Variants in RGR observed in about 807,000 individuals in gnomAD.
RGR encodes the protein retinal G protein coupled receptor, also known as RPE-retinal G protein-coupled receptor.
RGR carries 30 observed loss-of-function variants against 28.6 expected under a neutral mutation model. The observed-to-expected ratio is 1.05, with a 90% CI of 0.78 to 1.42. The LOEUF (loss-of-function observed/expected upper bound fraction) is 1.42, where lower values mean the gene tolerates loss of function less well. Ranked by LOEUF, RGR falls within the 40% of genes most tolerant of loss-of-function variation. The pLI, the probability that RGR is intolerant of heterozygous loss-of-function variation, is 0.00. For missense variants in RGR, 404 were observed against 375.6 expected, an observed-to-expected ratio of 1.08 and a Z score of -0.62; for synonymous variants, 180 against 156.4, an observed-to-expected ratio of 1.15 and a Z score of -1.13.
chr10:84,258,770 C>G lies in RGR; in HGVS notation c.*131C>G. On this transcript the variant is annotated 3_prime_UTR_variant, in exon 7 of 7. Coordinates refer to ENST00000652092, the MANE Select transcript of RGR (RefSeq NM_001012720.2). ...CCGTGGATCCTGGTCCTAGGCTGGA[C>G]ACAGGATTCAGAAAGACACCAGGCT... 3.0e-6 allele frequency: 4 copies of G among 1,344,984 alleles called. No homozygotes were observed. The highest frequency in any genetic ancestry group is 4.1e-6 in the Non-Finnish European group (4 of 968,730). The allele number at this position is 1,344,984 out of a possible 1,614,324, so 83.3% of individuals were successfully genotyped here.
Position 84,245,119 on chromosome 10 carries a change from GC to G in RGR, c.30del (p.Phe11SerfsTer26), listed in dbSNP as rs775919072. The G allele has an allele frequency of 8.7e-6, 14 of 1,613,426 alleles. No homozygotes were observed. Among genetic ancestry groups the G allele is most frequent in the Non-Finnish European group, 1.0e-5 (12 of 1,179,912 alleles). On this transcript the variant is annotated frameshift_variant, in exon 1 of 7. Coordinates refer to ENST00000652092, the MANE Select transcript of RGR (RefSeq NM_001012720.2). LOFTEE classifies it high-confidence loss of function. MAETSALPTGFGELEVLAVG... is the reference protein window; with the variant it reads MAETSALPTXFGELEVLAVG... ...GCAGAGACCAGTGCCCTGCCCACTG[GC>G]TTCGGGGAGCTCGAGGTGCTGGCTG...
chr10:84,253,693 G>T (rs1271864325), intron 4 of RGR, among the ~76,000 whole-genome samples: 1 of 152,202 alleles, frequency 6.6e-6, no homozygotes, highest in African/African-American at 2.4e-5. Context: ...CTGGATGACA[G>T]GCTTTCCAGG....
chr10:84,254,281 C>A, intron 4 of RGR, 45 bp from the exon 5 acceptor site: 1 of 1,544,756 alleles, frequency 6.5e-7, no homozygotes, highest in Non-Finnish European at 9.0e-7. Flanking sequence ...GGCAGCTGGC[C>A]ATCCCTGAGA....
chr10:84,258,858 GC>G lies in RGR; in HGVS notation c.*221del. The G allele has an allele frequency of 3.3e-6, 2 of 611,944 alleles. No individual in the cohort carries two copies. Among genetic ancestry groups the G allele is most frequent in the South Asian group, 3.8e-5 (2 of 52,900 alleles). The allele number at this position is 611,944 out of a possible 1,614,324, so 37.9% of individuals were successfully genotyped here. Reference sequence around the variant, plus strand: ...AGCCCCCTACACTCAAGGCTGAGAGGCCTCAGGAAAGTCATTCCTTTTTAAA... The same window carrying G: ...AGCCCCCTACACTCAAGGCTGAGAGGCTCAGGAAAGTCATTCCTTTTTAAA... On this transcript the variant is annotated 3_prime_UTR_variant, in exon 7 of 7. Coordinates refer to ENST00000652092, the MANE Select transcript of RGR (RefSeq NM_001012720.2).
chr10:84,246,431 C>A (rs1276870213), intron 1 of RGR, among the ~76,000 whole-genome samples: 1 of 152,100 alleles, frequency 6.6e-6, no homozygotes, highest in African/African-American at 2.4e-5. Context: ...CCTCTGAATG[C>A]CTTTGCGTAC....
intron 6 of RGR, 75 bp downstream of exon 6, chr10:84,258,081 G>T: frequency 7.9e-7 from 1 of 1,271,384 alleles, no homozygotes. Flanking sequence ...CTCACTTTCT[G>T]GATTTATGAC....
intron 1 of RGR, among the ~76,000 whole-genome samples, chr10:84,246,753 T>C (rs1427456902): frequency 6.6e-6 from 1 of 152,250 alleles, no homozygotes; most frequent in African/African-American, 2.4e-5. Context: ...TTAAGGAATC[T>C]CTATACTGTT....
At chr10:84,250,517 TACACACACACACAC>T (rs34459757) in intron 3 of RGR, 112 of 607,646 alleles carry the variant, frequency 1.8e-4, no homozygotes, top group Middle Eastern at 3.9e-4. Flanking sequence ...GACCATCTTA[TACACACACACACAC>T]ACACACACAC....
intron 3 of RGR, among the ~76,000 whole-genome samples, chr10:84,251,818 G>A (rs1842821897): frequency 6.6e-6 from 1 of 152,084 alleles, no homozygotes; most frequent in Non-Finnish European, 1.5e-5. Context: ...TGGGGATTAG[G>A]GCTTCAACAT....
At position 84,257,997 on chromosome 10, in the gene RGR, A is replaced by T. The variant is rs1339076141; in HGVS notation, c.735A>T (p.Lys245Asn). Residue 245 changes from lysine (K) to asparagine (N), a missense_variant, in exon 6 of 7, where the codon AAA becomes AAT. Lys to Asn is a moderately conservative substitution (Grantham distance 94). Transcript: ENST00000652092. ...CAGACGTGACTTCCATCTCCCCCAA[A>T]CTGCAGATGGTACAGATACTTCTAG... The part of the protein sequence containing the change: ...VIADVTSISP[K>N]LQMVPALIAK... 4 of 1,613,216 alleles carry T rather than the reference A, an allele frequency of 2.5e-6. No individual in the cohort carries two copies. The highest frequency in any genetic ancestry group is 3.4e-6 in the Non-Finnish European group (4 of 1,179,526).
At position 84,251,814 on chromosome 10, in the gene RGR, T is replaced by A. The variant is rs79570314; in HGVS notation, c.359-1043T>A. On this transcript the variant is annotated intron_variant, in intron 3 of 6. Coordinates refer to ENST00000652092, the MANE Select transcript of RGR (RefSeq NM_001012720.2). Reference sequence around the variant, plus strand: ...CCTCCAAATGCCATCACATTGGGGATTAGGGCTTCAACATATAAATTTGAG... The same window carrying A: ...CCTCCAAATGCCATCACATTGGGGAATAGGGCTTCAACATATAAATTTGAG... Among the ~76,000 whole-genome samples, 1,488 of 152,252 alleles carry A rather than the reference T, an allele frequency of 9.8e-3. 13 individuals carry two copies. The highest frequency in any genetic ancestry group is 0.016 in the Non-Finnish European group (1,073 of 68,022).
intron 5 of RGR, among the ~76,000 whole-genome samples, chr10:84,254,973 A>C (rs1842865266): frequency 6.6e-6 from 1 of 152,068 alleles, no homozygotes; most frequent in African/African-American, 2.4e-5. Context: ...CTCACTTTTT[A>C]ATCTTATTTG....
At chr10:84,246,711 C>A (rs1033710335) in intron 1 of RGR, among the ~76,000 whole-genome samples, 1 of 152,148 alleles carries the variant, frequency 6.6e-6, no homozygotes, top group Admixed American at 6.5e-5. Context: ...GTGTTTTTGG[C>A]TGGATTAAAT....
At chr10:84,253,561 G>C (rs1842846286) in intron 4 of RGR, among the ~76,000 whole-genome samples, 1 of 150,938 alleles carries the variant, frequency 6.6e-6, no homozygotes, top group African/African-American at 2.4e-5. Context: ...CAAGGGCTTA[G>C]GGGGATCCTT....
rs1460861035 is a variant in RGR at position 84,245,083 on chromosome 10, G to C, written c.-8G>C. ...CAGCTGGGCCACTGGCAGTGAGGGA[G>C]AGTGAGGATGGCAGAGACCAGTGCC... On this transcript the variant is annotated 5_prime_UTR_variant, in exon 1 of 7. Transcript: ENST00000652092. 4 of 1,613,470 alleles carry C rather than the reference G, an allele frequency of 2.5e-6. No individual in the cohort carries two copies. The highest frequency in any genetic ancestry group is 1.7e-4 in the Middle Eastern group (1 of 5,926).
At position 84,248,935 on chromosome 10, in the gene RGR, G is replaced by A. The variant is rs116754489; in HGVS notation, c.250G>A (p.Gly84Ser). The A allele has an allele frequency of 5.1e-4, 819 of 1,614,142 alleles. 3 individuals carry two copies. The African/African-American group carries it at 7.4e-3, about 15-fold the overall frequency. Reference protein sequence around the residue: ...TSSLLRRWPYGSDGCQAHGFQ... With the variant: ...TSSLLRRWPYSSDGCQAHGFQ... Reference sequence around the variant, plus strand: ...TGTCTCCCACAGGCGCTGGCCCTACGGCTCGGACGGCTGCCAGGCTCACGG... The same window carrying A: ...TGTCTCCCACAGGCGCTGGCCCTACAGCTCGGACGGCTGCCAGGCTCACGG... Residue 84 changes from glycine (G) to serine (S), a missense_variant, in exon 3 of 7, where the codon GGC becomes AGC. Gly to Ser is a moderately conservative substitution (Grantham distance 56). Transcript: ENST00000652092.
intron 4 of RGR, 66 bp from the exon 5 acceptor site, chr10:84,254,260 G>A (rs1468557866): frequency 1.3e-5 from 17 of 1,309,914 alleles, no homozygotes; most frequent in Non-Finnish European, 1.9e-5. Flanking sequence ...CAGAGCTGGT[G>A]GGTCCTTGAG....
Position 84,258,812 on chromosome 10 carries a change from A to T in RGR, c.*173A>T. Reference sequence around the variant, plus strand: ...CACCAGGCTGCACAGAAAGAGCCAGATGGACCTGAGTGTCGGTCACAGCCC... The same window carrying T: ...CACCAGGCTGCACAGAAAGAGCCAGTTGGACCTGAGTGTCGGTCACAGCCC... On this transcript the variant is annotated 3_prime_UTR_variant, in exon 7 of 7. Transcript: ENST00000652092. 1.1e-6 allele frequency: 1 copy of T among 931,962 alleles called. No homozygotes were observed. The highest frequency in any genetic ancestry group is 1.5e-5 in the South Asian group (1 of 68,624). The allele number at this position is 931,962 out of a possible 1,614,324, so 57.7% of individuals were successfully genotyped here.
In RGR at chr10:84,259,818, A is replaced by G. The variant is rs1461604088; in HGVS notation, c.*1179A>G. The stretch of plus-strand genomic sequence containing the variant: ...GTCTGGATAATATATTCTGGATAAT[A>G]TATAATAGTCTTATATATTCTGGAT... On this transcript the variant is annotated 3_prime_UTR_variant, in exon 7 of 7. Coordinates refer to ENST00000652092, the MANE Select transcript of RGR (RefSeq NM_001012720.2). The G allele has an allele frequency of 6.6e-6, 1 of 152,130 alleles. No homozygotes were observed. The highest frequency in any genetic ancestry group is 1.5e-5 in the Non-Finnish European group (1 of 68,022). 9.4% of individuals were successfully genotyped at this position (152,130 alleles called of 1,614,324 possible).
Sources: allele counts gnomAD v4.1 joint callset (sites outside exome capture counted in the v4.1 genomes callset), GRCh38; gene constraint gnomAD v4.1.1; transcripts MANE v1.5; gene names NCBI Gene and HGNC (gene_info 2026-07-23, HGNC 2026-07-21).